NEAT1: variants seen among roughly 807,000 people sequenced by gnomAD.
NEAT1 encodes MENepsilon/beta.
exon 1 of NEAT1, chr11:65,443,227 A>C (rs923517086): frequency 1.3e-5 from 2 of 152,104 alleles, no homozygotes; most frequent in East Asian, 3.9e-4. Flanking sequence ...AGTCTGCTCC[A>C]TGTGTTTTGA....
exon 1 of NEAT1, chr11:65,442,112 T>C (rs555052795): frequency 1.4e-4 from 22 of 151,834 alleles, no homozygotes; most frequent in African/African-American, 5.1e-4. Flanking sequence ...GTTGCCTCAT[T>C]CCACAGAGTT....
chr11:65,433,158 G>A (rs1292579034), exon 1 of NEAT1: 1 of 152,164 alleles, frequency 6.6e-6, no homozygotes, highest in Non-Finnish European at 1.5e-5. Flanking sequence ...CTGCCATCAA[G>A]TGTCTTTCTG....
chr11:65,426,115 A>G (rs1049625791), exon 1 of NEAT1: 6 of 151,954 alleles, frequency 3.9e-5, no homozygotes, highest in Non-Finnish European at 8.8e-5. Context: ...AGCTGCGTCT[A>G]TTGAATTGGT....
At chr11:65,432,262 A>G (rs139282109) in exon 1 of NEAT1, 1 of 152,162 alleles carries the variant, frequency 6.6e-6, no homozygotes, top group Non-Finnish European at 1.5e-5. Flanking sequence ...CTCTTTGACC[A>G]CTAACCATGT....
At chr11:65,436,712 C>T (rs1487739346) in exon 1 of NEAT1, 2 of 152,208 alleles carry the variant, frequency 1.3e-5, no homozygotes, top group Non-Finnish European at 2.9e-5. Flanking sequence ...GTCTTTTCAA[C>T]ATCTGTGTGG....
At chr11:65,445,256 T>C (rs533111557) in exon 1 of NEAT1, 2 of 152,372 alleles carry the variant, frequency 1.3e-5, no homozygotes, top group Admixed American at 1.3e-4. Context: ...TCCCAGAGCA[T>C]GCAGGACTGT....
exon 1 of NEAT1, chr11:65,429,599 T>C (rs925155876): frequency 1.3e-5 from 2 of 152,190 alleles, no homozygotes; most frequent in Non-Finnish European, 2.9e-5. Flanking sequence ...TGATAATCTT[T>C]TGTTATATTT....
chr11:65,425,778 C>T (rs1257321928), exon 1 of NEAT1: 4 of 151,266 alleles, frequency 2.6e-5, no homozygotes, highest in African/African-American at 9.7e-5. Context: ...TGTGTTTGGT[C>T]GATATTAATA....
chr11:65,438,009 A>G (rs1391747467), exon 1 of NEAT1: 1 of 152,204 alleles, frequency 6.6e-6, no homozygotes, highest in Non-Finnish European at 1.5e-5. Flanking sequence ...AGCTTCTGCC[A>G]CTGTGTGGCT....
exon 1 of NEAT1, chr11:65,441,618 A>G (rs1397353184): frequency 6.6e-6 from 1 of 152,128 alleles, no homozygotes; most frequent in Non-Finnish European, 1.5e-5. Context: ...CTCCTTATGC[A>G]TAGTTTTTCA....
At chr11:65,438,377 T>A (rs1424415103) in exon 1 of NEAT1, 6 of 152,234 alleles carry the variant, frequency 3.9e-5, no homozygotes, top group African/African-American at 1.4e-4. Flanking sequence ...TTATTTTTCC[T>A]TCTAAATATT....
chr11:65,433,986 CAG>C (rs1392871363), exon 1 of NEAT1: 15 of 152,000 alleles, frequency 9.9e-5, no homozygotes, highest in African/African-American at 3.4e-4. Context: ...ATGTGTTTTT[CAG>C]AGTATATATT....
At chr11:65,427,274 T>C (rs545976797) in exon 1 of NEAT1, 1 of 152,480 alleles carries the variant, frequency 6.6e-6, no homozygotes, top group South Asian at 2.1e-4. Context: ...TGCCAGCCTC[T>C]GTGCTGAGAA....
exon 1 of NEAT1, chr11:65,425,438 C>T (rs1856551466): frequency 6.6e-6 from 1 of 152,158 alleles, no homozygotes. Flanking sequence ...GTGAATTAGT[C>T]ACTTGAAAGA....
chr11:65,425,017 T>TG (rs1357127561), exon 1 of NEAT1: 8 of 150,886 alleles, frequency 5.3e-5, no homozygotes, highest in Admixed American at 2.0e-4. Flanking sequence ...ACAGTGTGGG[T>TG]GGTGGGGGTG....
At chr11:65,443,964 G>A (rs1171208213) in exon 1 of NEAT1, 1 of 166,412 alleles carries the variant, frequency 6.0e-6, no homozygotes, top group African/African-American at 2.4e-5. Flanking sequence ...TGTTTTGACT[G>A]CCCCCATTTC....
exon 1 of NEAT1, chr11:65,423,287 T>G (rs1221225843): frequency 6.6e-6 from 1 of 152,564 alleles, no homozygotes; most frequent in African/African-American, 2.4e-5. Context: ...CAGCCCCTTT[T>G]TTTCCAGACC....
chr11:65,424,218 C>T (rs1046840383), exon 1 of NEAT1: 5 of 152,282 alleles, frequency 3.3e-5, no homozygotes, highest in African/African-American at 9.7e-5. Flanking sequence ...AAAAAGTCCA[C>T]AGCAGATGCA....
exon 1 of NEAT1, chr11:65,433,536 A>G (rs574995579): frequency 6.6e-6 from 1 of 152,206 alleles, no homozygotes; most frequent in Non-Finnish European, 1.5e-5. Flanking sequence ...ATCCAATACA[A>G]AAACTAGGAC....
Sources: gnomAD v4.1 joint callset for allele counts on GRCh38, gnomAD v4.1.1 for gene constraint, MANE v1.5 for transcripts, NCBI Gene and HGNC (gene_info 2026-07-23, HGNC 2026-07-21) for gene names.